Variants in GDAP1L1 observed in about 807,000 individuals in gnomAD.
GDAP1L1 encodes ganglioside-induced differentiation-associated protein 1-like 1.
In GDAP1L1, 21 loss-of-function variants were observed where a neutral mutation model predicts 37.1. The observed-to-expected ratio is 0.57, with a 90% confidence interval of 0.40 to 0.81. GDAP1L1 has a LOEUF of 0.81. GDAP1L1 is among the 40% of genes least tolerant of loss of function. The pLI, the probability that GDAP1L1 is intolerant of heterozygous loss-of-function variation, is 0.00. For synonymous variants in GDAP1L1, 193 were observed against 209.1 expected (o/e 0.92, Z 0.67); for missense variants, 362 against 491.6 (o/e 0.74, Z 2.49).
intron 5 of GDAP1L1, among the ~76,000 whole-genome samples, chr20:44,272,265 A>C (rs1038111522): frequency 6.6e-6 from 1 of 152,134 alleles, no homozygotes; most frequent in Non-Finnish European, 1.5e-5. Flanking sequence ...TGGGGTTAGG[A>C]CACGCCCTGC....
At chr20:44,275,139 C>T (rs971071414) in intron 5 of GDAP1L1, among the ~76,000 whole-genome samples, 1 of 152,206 alleles carries the variant, frequency 6.6e-6, no homozygotes, top group Non-Finnish European at 1.5e-5. Flanking sequence ...AAGCAATCCT[C>T]CTGCCTTAGC....
Position 44,279,754 on chromosome 20 carries a change from C to T in GDAP1L1, c.*454C>T, listed in dbSNP as rs1235710694. 3 of 472,268 alleles carry T rather than the reference C, an allele frequency of 6.4e-6. No individual in the cohort carries two copies. The highest frequency in any genetic ancestry group is 6.5e-4 in the Middle Eastern group (2 of 3,084). The allele number at this position is 472,268 out of a possible 1,614,324, so 29.3% of individuals were successfully genotyped here. On this transcript the variant is annotated 3_prime_UTR_variant, in exon 6 of 6. Coordinates refer to ENST00000342560, the MANE Select transcript of GDAP1L1 (RefSeq NM_024034.6). The stretch of plus-strand genomic sequence containing the variant: ...CCACAGGACAAAGCCGACATCAAGA[C>T]TCAACTCCTCTAACCGGTACCTCTG...
At position 44,258,581 on chromosome 20, in the gene GDAP1L1, C is replaced by T; in HGVS notation, c.521C>T (p.Pro174Leu). Residue 174 changes from proline to leucine, a missense_variant, in exon 3 of 6, where the codon CCC becomes CTC. This residue lies in a region of GDAP1L1 where 277 missense variants were observed against 337.1 expected (regional missense o/e 0.82). Transcript: ENST00000342560. ...HPELTTDSMI[P>L]KYATAEIRRH... ...GAGCTCACCACCGACTCCATGATCCCCAAGTACGCCACGGCCGAGATCCGC... is the reference window on the plus strand; with the variant it reads ...GAGCTCACCACCGACTCCATGATCCTCAAGTACGCCACGGCCGAGATCCGC... 2 of 1,602,010 alleles carry T rather than the reference C, an allele frequency of 1.2e-6. No homozygotes were observed. The highest frequency in any genetic ancestry group is 2.7e-5 in the African/African-American group (2 of 74,730).
chr20:44,260,423 C>G (rs1336028988), intron 3 of GDAP1L1, among the ~76,000 whole-genome samples: 2 of 151,890 alleles, frequency 1.3e-5, no homozygotes, highest in African/African-American at 2.4e-5. Flanking sequence ...CTTTGGGGAG[C>G]AGAACTAAGA....
chr20:44,255,539 C>A, intron 1 of GDAP1L1, among the ~76,000 whole-genome samples: 2 of 66,768 alleles, frequency 3.0e-5, no homozygotes, highest in African/African-American at 6.5e-5. Context: ...GAGACTCTGT[C>A]TCAAAAAAAA....
intron 1 of GDAP1L1, among the ~76,000 whole-genome samples, chr20:44,256,889 T>A (rs1177558793): frequency 3.3e-5 from 5 of 152,184 alleles, no homozygotes; most frequent in African/African-American, 9.7e-5. Context: ...CTATCCCAGA[T>A]GTGTCCAGCT....
intron 5 of GDAP1L1, among the ~76,000 whole-genome samples, chr20:44,267,358 C>A (rs920895649): frequency 1.3e-4 from 20 of 152,158 alleles, no homozygotes; most frequent in African/African-American, 4.1e-4. Context: ...GCCTGTAACC[C>A]CAACACTTTG....
At position 44,280,577 on chromosome 20, in the gene GDAP1L1, A is replaced by C. The variant is rs2062630015; in HGVS notation, c.*1277A>C. Reference sequence around the variant, plus strand: ...TCTGACCTTAACATCAACCCAGCTCATTTAGGCTCAGCCCTTTACAGGTTA... The same window carrying C: ...TCTGACCTTAACATCAACCCAGCTCCTTTAGGCTCAGCCCTTTACAGGTTA... On this transcript the variant is annotated 3_prime_UTR_variant, in exon 6 of 6. Transcript: ENST00000342560. The C allele has an allele frequency of 6.6e-6, 1 of 152,330 alleles. No homozygotes were observed. Among genetic ancestry groups the C allele is most frequent in the Non-Finnish European group, 1.5e-5 (1 of 68,064 alleles). 9.4% of individuals were successfully genotyped at this position (152,330 alleles called of 1,614,324 possible). A position where few individuals can be genotyped will look rare whatever the true frequency, so the allele number is the denominator to read the frequency against.
At chr20:44,270,461 C>T (rs780930119) in intron 5 of GDAP1L1, among the ~76,000 whole-genome samples, 22 of 152,288 alleles carry the variant, frequency 1.4e-4, no homozygotes, top group Middle Eastern at 3.4e-3. Context: ...TGAGCCACCG[C>T]GCCCGGCCTG....
rs76623244 is a variant in GDAP1L1 at position 44,270,699 on chromosome 20, C to T, written c.760+6140C>T. 7.6e-3 allele frequency among the ~76,000 whole-genome samples: 1,157 copies of T among 152,226 alleles called. 15 individuals carry two copies. Among genetic ancestry groups the T allele is most frequent in the East Asian group, 0.052 (269 of 5,166 alleles). ...GAGGCCTCTATCCCCTGCTGGCTGT[C>T]GGCAGGAGACTTTAGTTCCTTACCA... On this transcript the variant is annotated intron_variant, in intron 5 of 5. Coordinates refer to ENST00000342560, the MANE Select transcript of GDAP1L1 (RefSeq NM_024034.6).
At chr20:44,260,871 G>A (rs1324378906) in intron 3 of GDAP1L1, among the ~76,000 whole-genome samples, 1 of 152,194 alleles carries the variant, frequency 6.6e-6, no homozygotes, top group East Asian at 1.9e-4. Flanking sequence ...AACGGTGATG[G>A]GAAGTGACGT....
chr20:44,252,631 A>G lies in GDAP1L1; in HGVS notation c.181-4522A>G, dbSNP rs538583508. ...CTCCAGCTTGGGTAACAAGAGCGAAACTCAAGCTCAAAACAAACAAACAAA... is the reference window on the plus strand; with the variant it reads ...CTCCAGCTTGGGTAACAAGAGCGAAGCTCAAGCTCAAAACAAACAAACAAA... On this transcript the variant is annotated intron_variant, in intron 1 of 5. Coordinates refer to ENST00000342560, the MANE Select transcript of GDAP1L1 (RefSeq NM_024034.6). Among the ~76,000 whole-genome samples, 21 of 152,180 alleles carry G rather than the reference A, an allele frequency of 1.4e-4. No individual in the cohort carries two copies. The East Asian group carries it at 4.1e-3, about 30-fold the overall frequency.
chr20:44,274,859 C>G (rs1371955658), intron 5 of GDAP1L1, among the ~76,000 whole-genome samples: 1 of 152,104 alleles, frequency 6.6e-6, no homozygotes, highest in Non-Finnish European at 1.5e-5. Context: ...CATTATCTCC[C>G]CTCGGGGGCC....
rs1475806968 is a variant in GDAP1L1 at position 44,280,528 on chromosome 20, G to C, written c.*1228G>C. ...TCTCAAGTTGCTGGGTCTGGGGCTGGCTTCCAGACTGACTTTCCAGGGCTC... is the reference window on the plus strand; with the variant it reads ...TCTCAAGTTGCTGGGTCTGGGGCTGCCTTCCAGACTGACTTTCCAGGGCTC... On this transcript the variant is annotated 3_prime_UTR_variant, in exon 6 of 6. Coordinates refer to ENST00000342560, the MANE Select transcript of GDAP1L1 (RefSeq NM_024034.6). 1 of 152,650 alleles carries C rather than the reference G, an allele frequency of 6.6e-6. No homozygotes were observed. Among genetic ancestry groups the C allele is most frequent in the African/African-American group, 2.4e-5 (1 of 41,460 alleles). 9.5% of individuals were successfully genotyped at this position (152,650 alleles called of 1,614,324 possible).
intron 5 of GDAP1L1, chr20:44,265,405 T>C (rs1022813135): frequency 9.1e-6 from 9 of 985,446 alleles, no homozygotes; most frequent in South Asian, 4.7e-5. Flanking sequence ...TTAAGACCTG[T>C]GATGAGTCTT....
chr20:44,262,154 A>G (rs1317086038), intron 3 of GDAP1L1, among the ~76,000 whole-genome samples: 1 of 151,958 alleles, frequency 6.6e-6, no homozygotes, highest in African/African-American at 2.4e-5. Flanking sequence ...GGCATGGTCA[A>G]GTGTGTGAAG....
intron 3 of GDAP1L1, among the ~76,000 whole-genome samples, chr20:44,262,270 AAG>A (rs2146020090): frequency 6.6e-6 from 1 of 152,224 alleles, no homozygotes; most frequent in Admixed American, 6.5e-5. Context: ...GGTCTGAACT[AAG>A]AGAGAGTCAG....
rs1230671367 is a variant in GDAP1L1 at position 44,268,067 on chromosome 20, G to A, written c.760+3508G>A. Among the ~76,000 whole-genome samples, 4 of 152,232 alleles carry A rather than the reference G, an allele frequency of 2.6e-5. No homozygotes were observed. In the East Asian group the frequency reaches 7.7e-4, roughly 29 times the overall value. On this transcript the variant is annotated intron_variant, in intron 5 of 5. Transcript: ENST00000342560. ...CACATGGCCTCGGTTGCTCATCCAGGTTCCCTGAACCTGACTGGGTTAAAC... is the reference window on the plus strand; with the variant it reads ...CACATGGCCTCGGTTGCTCATCCAGATTCCCTGAACCTGACTGGGTTAAAC...
At chr20:44,277,252 C>T (rs1240574668) in intron 5 of GDAP1L1, among the ~76,000 whole-genome samples, 1 of 152,134 alleles carries the variant, frequency 6.6e-6, no homozygotes, top group Non-Finnish European at 1.5e-5. Context: ...CAGGCGTGAG[C>T]CACGGCGCCC....
Sources: gnomAD v4.1 joint callset for allele counts (sites outside exome capture counted in the v4.1 genomes callset) on GRCh38, gnomAD v4.1.1 for gene constraint, gnomAD v4.1.1 regional missense constraint, MANE v1.5 for transcripts, NCBI Gene and HGNC (gene_info 2026-07-23, HGNC 2026-07-21) for gene names.